TIAM1: variants seen among roughly 807,000 people sequenced by gnomAD.
TIAM1 encodes TIAM Rac1 associated GEF 1, also known as rho guanine nucleotide exchange factor TIAM1.
A neutral mutation model predicts 163.5 loss-of-function variants in TIAM1; 65 were observed. The ratio of observed to expected loss-of-function variants is 0.40; its 90% confidence interval spans 0.33 to 0.49. The LOEUF (loss-of-function observed/expected upper bound fraction) is 0.49, where lower values mean the gene tolerates loss of function less well. TIAM1 is among the 20% of genes least tolerant of loss of function. TIAM1 has a pLI of 0.77. For synonymous variants in TIAM1, 833 were observed against 810.1 expected (o/e 1.03, Z -0.48); for missense variants, 1,789 against 2,044.7 (o/e 0.87, Z 2.41).
At chr21:31,474,104 C>T (rs2147380240) in intron 1 of TIAM1, among the ~76,000 whole-genome samples, 1 of 152,244 alleles carries the variant, frequency 6.6e-6, no homozygotes. Flanking sequence ...ACAATCAGCT[C>T]TCCCATGAAC....
chr21:31,391,422 C>T (rs2076962929), intron 2 of TIAM1, among the ~76,000 whole-genome samples: 1 of 152,048 alleles, frequency 6.6e-6, no homozygotes. Context: ...GTCAGGAGTT[C>T]GAGACCAGCC....
intron 13 of TIAM1, among the ~76,000 whole-genome samples, chr21:31,191,723 C>G (rs561748719): frequency 6.6e-6 from 1 of 152,250 alleles, no homozygotes; most frequent in South Asian, 2.1e-4. Flanking sequence ...CGCCTGGTGC[C>G]CTGTCATACC....
At chr21:31,198,855 G>A (rs533667263) in intron 12 of TIAM1, among the ~76,000 whole-genome samples, 1 of 152,290 alleles carries the variant, frequency 6.6e-6, no homozygotes, top group East Asian at 1.9e-4. Flanking sequence ...TCATAAGACA[G>A]GCCCGCTGGC....
chr21:31,341,021 T>C (rs1340235749), intron 1 of TIAM1, among the ~76,000 whole-genome samples: 1 of 152,170 alleles, frequency 6.6e-6, no homozygotes, highest in Admixed American at 6.5e-5. Context: ...TTTTGTTTTA[T>C]TCTACGGCAG....
chr21:31,347,365 T>A (rs1273095906), upstream of TIAM1, among the ~76,000 whole-genome samples: 1 of 152,166 alleles, frequency 6.6e-6, no homozygotes, highest in African/African-American at 2.4e-5. Context: ...AAGAATTTAC[T>A]GCTATAGCAG....
At chr21:31,465,700 A>G (rs967091024) in intron 1 of TIAM1, among the ~76,000 whole-genome samples, 108 of 152,084 alleles carry the variant, frequency 7.1e-4, no homozygotes, top group African/African-American at 2.3e-3. Flanking sequence ...CCTCCGGAGT[A>G]GCTGGGACTA....
chr21:31,288,834 A>G (rs1334006700), intron 2 of TIAM1, among the ~76,000 whole-genome samples: 1 of 152,206 alleles, frequency 6.6e-6, no homozygotes, highest in Non-Finnish European at 1.5e-5. Flanking sequence ...AATGGATTTA[A>G]CAGCTTCAAT....
intron 20 of TIAM1, among the ~76,000 whole-genome samples, chr21:31,145,784 C>G (rs372407927): frequency 6.7e-6 from 1 of 148,912 alleles, no homozygotes; most frequent in Non-Finnish European, 1.5e-5. Flanking sequence ...AAAAGGTATA[C>G]GGTAAGTCCT....
chr21:31,379,581 C>T (rs370980828), intron 2 of TIAM1, among the ~76,000 whole-genome samples: 3 of 151,702 alleles, frequency 2.0e-5, no homozygotes, highest in African/African-American at 7.3e-5. Context: ...ACACAAGTTT[C>T]GTAGCAGCAT....
rs941355478 is a variant in TIAM1 at position 31,130,290 on chromosome 21, T to C, written c.3968A>G (p.Tyr1323Cys). The C allele has an allele frequency of 5.0e-6, 8 of 1,613,898 alleles. No individual in the cohort carries two copies. The highest frequency in any genetic ancestry group is 6.8e-6 in the Non-Finnish European group (8 of 1,179,982). Residue 1323 changes from tyrosine to cysteine, a missense_variant, in exon 25 of 28, where the codon TAT becomes TGT. This residue lies in a region of TIAM1 where 415 missense variants were observed against 439.2 expected (regional missense o/e 0.94). Coordinates refer to ENST00000541036, the MANE Select transcript of TIAM1 (RefSeq NM_001353694.2). Reference protein sequence around the residue: ...KLVGSHRLSIYEDWDPFRFRH... With the variant: ...KLVGSHRLSICEDWDPFRFRH... ...AAATCTGAAGGGGTCCCAGTCCTCATAAATGGAAAGCCTGTGAGATCCTAC... is the reference window on the plus strand; with the variant it reads ...AAATCTGAAGGGGTCCCAGTCCTCACAAATGGAAAGCCTGTGAGATCCTAC...
At chr21:31,154,078 C>A (rs2083499815) in intron 17 of TIAM1, among the ~76,000 whole-genome samples, 169 bp downstream of exon 17, 1 of 151,308 alleles carries the variant, frequency 6.6e-6, no homozygotes, top group African/African-American at 2.4e-5. Flanking sequence ...ACAAAAAAAA[C>A]AACTCAAAAC....
At chr21:31,342,296 T>C (rs1329559087) in intron 1 of TIAM1, among the ~76,000 whole-genome samples, 1 of 151,684 alleles carries the variant, frequency 6.6e-6, no homozygotes, top group African/African-American at 2.4e-5. Context: ...AAGAAATAAG[T>C]GAATAAAATT....
At chr21:31,498,986 AGGGAGGGGAG>A (rs527886350) in intron 1 of TIAM1, among the ~76,000 whole-genome samples, 74 of 106,300 alleles carry the variant, frequency 7.0e-4, no homozygotes, top group African/African-American at 1.1e-3. Context: ...AGAGAAGAGA[AGGGAGGGGAG>A]GGGAGGGGAG....
At chr21:31,474,577 C>G (rs1446017809) in intron 1 of TIAM1, among the ~76,000 whole-genome samples, 3 of 148,320 alleles carry the variant, frequency 2.0e-5, no homozygotes, top group Non-Finnish European at 4.4e-5. Flanking sequence ...TGGAGTTTCA[C>G]TCTTGTTGCC....
At chr21:31,552,492 C>T (rs557411721) in intron 1 of TIAM1, among the ~76,000 whole-genome samples, 3 of 152,052 alleles carry the variant, frequency 2.0e-5, no homozygotes, top group East Asian at 1.9e-4. Context: ...AAGAAACCTC[C>T]GCCAGGCGCG....
At chr21:31,241,006 T>C (rs2071143991) in intron 6 of TIAM1, among the ~76,000 whole-genome samples, 1 of 152,190 alleles carries the variant, frequency 6.6e-6, no homozygotes, top group South Asian at 2.1e-4. Flanking sequence ...GTAAGTCTCA[T>C]GAAATCTGAT....
chr21:31,458,490 C>A (rs778887721), intron 2 of TIAM1, among the ~76,000 whole-genome samples: 14 of 152,082 alleles, frequency 9.2e-5, no homozygotes, highest in Non-Finnish European at 1.5e-4. Context: ...AGATAGATCA[C>A]AATATATATT....
chr21:31,152,836 G>C lies in TIAM1; in HGVS notation c.3241-75C>G. On this transcript the variant is annotated intron_variant, in intron 18 of 27. Transcript: ENST00000541036. ...AAACGTTATTTATATCTGATTACAAGGTTTTTCTATCAATTCTTATCAATT... is the reference window on the plus strand; with the variant it reads ...AAACGTTATTTATATCTGATTACAACGTTTTTCTATCAATTCTTATCAATT... 10 of 1,543,222 alleles carry C rather than the reference G, an allele frequency of 6.5e-6. No individual in the cohort carries two copies. In the South Asian group the frequency reaches 1.1e-4, roughly 18 times the overall value.
chr21:31,514,361 G>A (rs1384088442), intron 1 of TIAM1, among the ~76,000 whole-genome samples: 1 of 151,982 alleles, frequency 6.6e-6, no homozygotes, highest in Non-Finnish European at 1.5e-5. Context: ...ATTGCTCAGG[G>A]CCAGCAAAGC....
Sources: gnomAD v4.1 joint callset for allele counts (sites outside exome capture counted in the v4.1 genomes callset) on GRCh38, gnomAD v4.1.1 for gene constraint, gnomAD v4.1.1 regional missense constraint, MANE v1.5 for transcripts, NCBI Gene and HGNC (gene_info 2026-07-23, HGNC 2026-07-21) for gene names.